The following MAP3K5 variants were observed in gnomAD, a reference collection of about 807,000 sequenced individuals.
MAP3K5 encodes ASK-1.
A neutral mutation model predicts 158.7 loss-of-function variants in MAP3K5; 56 were observed. The ratio of observed to expected loss-of-function variants is 0.35; its 90% CI spans 0.28 to 0.44. The LOEUF is 0.44. MAP3K5 is among the 20% of genes least tolerant of loss of function. MAP3K5 has a pLI of 1.00. For synonymous variants in MAP3K5, 579 were observed against 601.7 expected (o/e 0.96, Z 0.55); for missense variants, 1,294 against 1,674.8 (o/e 0.77, Z 3.97).
intron 2 of MAP3K5, among the ~76,000 whole-genome samples, chr6:136,709,029 C>A (rs950025769): frequency 6.6e-6 from 1 of 152,134 alleles, no homozygotes; most frequent in Non-Finnish European, 1.5e-5. Context: ...ACACCCCCAA[C>A]AGAAGTAGAT....
Position 136,575,161 on chromosome 6 carries a change from ATTT to A in MAP3K5, c.3517+5137_3517+5139del, listed in dbSNP as rs60443578. ...AGGAAATTAACATTGATACAATACT[ATTT>A]TTTTTTTTTTTTTTTGAGACAGGGT... On this transcript the variant is annotated intron_variant, in intron 25 of 29. Transcript: ENST00000359015. Among the ~76,000 whole-genome samples, 1,677 of 127,392 alleles carry A rather than the reference ATTT, an allele frequency of 0.013. 72 individuals carry two copies. The East Asian group carries it at 0.14, about 11-fold the overall frequency. 83.6% of individuals were successfully genotyped at this position (127,392 alleles called of 152,430 possible). A position where few individuals can be genotyped will look rare whatever the true frequency, so the allele number is the denominator to read the frequency against.
intron 21 of MAP3K5, among the ~76,000 whole-genome samples, chr6:136,593,929 T>C (rs1775508933): frequency 6.6e-6 from 1 of 152,102 alleles, no homozygotes; most frequent in African/African-American, 2.4e-5. Context: ...ATGACATTGG[T>C]TTCAGCTGTA....
chr6:136,564,261 A>C (rs1420862880), intron 26 of MAP3K5, among the ~76,000 whole-genome samples: 2 of 152,244 alleles, frequency 1.3e-5, no homozygotes, highest in African/African-American at 4.8e-5. Flanking sequence ...CACAGGACAT[A>C]AAGATGAGAT....
intron 1 of MAP3K5, among the ~76,000 whole-genome samples, chr6:136,785,790 T>C (rs1012622708): frequency 7.9e-5 from 12 of 151,952 alleles, no homozygotes; most frequent in Admixed American, 6.6e-5. Flanking sequence ...TACTCAGAGG[T>C]GGATGAAAGC....
In MAP3K5 at chr6:136,592,224, C is replaced by T; in HGVS notation, c.3174G>A (p.Leu1058=). The T allele has an allele frequency of 6.2e-7, 1 of 1,608,858 alleles. No homozygotes were observed. Among genetic ancestry groups the T allele is most frequent in the Non-Finnish European group, 8.5e-7 (1 of 1,178,044 alleles). ...SERRATLHRI[L]TEDQDKIVRN... ...TCACAATTTTGTCTTGGTCTTCCGT[C>T]AGGATCCTGTGAAGGGTAGCTCGCC... is the stretch of plus-strand genomic sequence containing the variant. Residue 1058 remains leucine (L), a synonymous_variant, in exon 23 of 30, where the codon CTG becomes CTA. Transcript: ENST00000359015.
In MAP3K5 at chr6:136,712,703, G is replaced by A. The variant is rs571969069; in HGVS notation, c.589-7570C>T. Among the ~76,000 whole-genome samples, 7 of 152,250 alleles carry A rather than the reference G, an allele frequency of 4.6e-5. No homozygotes were observed. The East Asian group carries it at 5.8e-4, about 13-fold the overall frequency. On this transcript the variant is annotated intron_variant, in intron 2 of 29. Transcript: ENST00000359015. ...TGTGTCCCCACCCAAATCTCAACTCGAATTGTAGCTCCCATGATTCCCACA... is the reference window on the plus strand; with the variant it reads ...TGTGTCCCCACCCAAATCTCAACTCAAATTGTAGCTCCCATGATTCCCACA...
At chr6:136,756,172 G>A (rs570860509) in intron 1 of MAP3K5, among the ~76,000 whole-genome samples, 2 of 151,220 alleles carry the variant, frequency 1.3e-5, no homozygotes, top group East Asian at 3.9e-4. Flanking sequence ...ACAAAAATAA[G>A]CCAGGCATGG....
chr6:136,672,911 A>G (rs1453706165), intron 7 of MAP3K5, among the ~76,000 whole-genome samples: 2 of 147,788 alleles, frequency 1.4e-5, no homozygotes, highest in African/African-American at 5.1e-5. Flanking sequence ...AATCACTTGA[A>G]CCCCGGAGGT....
intron 2 of MAP3K5, among the ~76,000 whole-genome samples, chr6:136,717,360 A>AT (rs1299858119): frequency 2.6e-5 from 4 of 152,050 alleles, no homozygotes; most frequent in African/African-American, 4.8e-5. Context: ...ACAAAAAAAA[A>AT]TTTTTTTCTA....
In MAP3K5 at chr6:136,791,700, A is replaced by C. The variant is rs2115083716; in HGVS notation, c.448+10T>G. The C allele has an allele frequency of 6.2e-7, 1 of 1,612,922 alleles. No individual in the cohort carries two copies. The highest frequency in any genetic ancestry group is 8.5e-7 in the Non-Finnish European group (1 of 1,179,866). ...GACCGCGCGGGATGGGAAAGGGGTC[A>C]CACACGCACCTGCATTGTAAAAGCG... On this transcript the variant is annotated intron_variant, in intron 1 of 29. Coordinates refer to ENST00000359015, the MANE Select transcript of MAP3K5 (RefSeq NM_005923.4).
rs1778491585 is a variant in MAP3K5, at chr6:136,650,916, T to C, written c.1788+68A>G. 3.3e-6 allele frequency: 3 copies of C among 905,042 alleles called. No individual in the cohort carries two copies. In the Admixed American group the frequency reaches 6.8e-5, roughly 20 times the overall value. 56.1% of individuals were successfully genotyped at this position (905,042 alleles called of 1,614,324 possible). ...ACTAACACAGACATTTGCTGGAGTA[T>C]GTAAATGCTAGAAGGGTGTAAAGTC... On this transcript the variant is annotated intron_variant, in intron 11 of 29. Coordinates refer to ENST00000359015, the MANE Select transcript of MAP3K5 (RefSeq NM_005923.4).
At chr6:136,731,425 T>C (rs756483492) in intron 1 of MAP3K5, among the ~76,000 whole-genome samples, 11 of 152,330 alleles carry the variant, frequency 7.2e-5, no homozygotes, top group Non-Finnish European at 1.2e-4. Context: ...TCCTTGCCCC[T>C]TCAAGATTCT....
intron 23 of MAP3K5, among the ~76,000 whole-genome samples, chr6:136,588,227 C>G (rs1775224129): frequency 6.6e-6 from 1 of 152,166 alleles, no homozygotes; most frequent in Non-Finnish European, 1.5e-5. Context: ...CACCATCGGG[C>G]CTACCAGCGA....
At chr6:136,676,137 A>T (rs1236263734) in intron 7 of MAP3K5, among the ~76,000 whole-genome samples, 2 of 152,222 alleles carry the variant, frequency 1.3e-5, no homozygotes, top group Admixed American at 1.3e-4. Flanking sequence ...CTGCTCCAAG[A>T]GAATGTAAGC....
At chr6:136,660,521 C>G (rs767017422) in intron 8 of MAP3K5, among the ~76,000 whole-genome samples, 16 of 152,100 alleles carry the variant, frequency 1.1e-4, no homozygotes, top group Non-Finnish European at 2.1e-4. Context: ...CAACTTTGTT[C>G]TTTTTCAACA....
chr6:136,694,626 G>A (rs916804269), intron 6 of MAP3K5, among the ~76,000 whole-genome samples: 25 of 152,184 alleles, frequency 1.6e-4, no homozygotes, highest in African/African-American at 5.5e-4. Flanking sequence ...GGTGAAACGA[G>A]ATTAGAGTTG....
At chr6:136,607,606 C>G (rs1326164990) in intron 18 of MAP3K5, among the ~76,000 whole-genome samples, 1 of 152,190 alleles carries the variant, frequency 6.6e-6, no homozygotes, top group Non-Finnish European at 1.5e-5. Flanking sequence ...TATCTGCATT[C>G]TAAAGTTTTT....
At chr6:136,684,368 T>C (rs1780056641) in intron 7 of MAP3K5, among the ~76,000 whole-genome samples, 1 of 152,170 alleles carries the variant, frequency 6.6e-6, no homozygotes, top group African/African-American at 2.4e-5. Flanking sequence ...TCTACCTATG[T>C]GAGCAAATAC....
At chr6:136,628,848 A>C (rs1777171336) in intron 14 of MAP3K5, among the ~76,000 whole-genome samples, 1 of 152,224 alleles carries the variant, frequency 6.6e-6, no homozygotes, top group African/African-American at 2.4e-5. Flanking sequence ...TAAAGATAGA[A>C]ATTGAAATGG....
Sources: allele counts gnomAD v4.1 joint callset (sites outside exome capture counted in the v4.1 genomes callset), GRCh38; gene constraint gnomAD v4.1.1; transcripts MANE v1.5; gene names NCBI Gene and HGNC (gene_info 2026-07-23, HGNC 2026-07-21).